Variants in ABL2 observed in about 807,000 individuals in gnomAD.
ABL2 encodes ABL proto-oncogene 2, non-receptor tyrosine kinase, also known as tyrosine-protein kinase ABL2.
A neutral mutation model predicts 107.7 loss-of-function variants in ABL2; 49 were observed. The ratio of observed to expected loss-of-function variants is 0.45; its 90% CI spans 0.36 to 0.58. The LOEUF is 0.58. ABL2 is among the 20% of genes least tolerant of loss of function. The pLI is 0.00. For missense variants in ABL2, 1,245 were observed against 1,457.0 expected, an observed-to-expected ratio of 0.85 and a Z score of 2.37; for synonymous variants, 549 against 548.6, an observed-to-expected ratio of 1.00 and a Z score of -0.01.
chr1:179,133,279 A>G (rs1311657701), intron 2 of ABL2, 33 bp downstream of exon 2: 1 of 1,613,604 alleles, frequency 6.2e-7, no homozygotes, highest in Non-Finnish European at 8.5e-7. Flanking sequence ...CCAATGCCTT[A>G]GTTCAAATCT....
rs534990752 is a variant in ABL2 at position 179,198,693 on chromosome 1, C to CAAAAA, written c.157+30543_157+30547dup. ...GGGCAACAGAGCAAGACTCCATCTC[C>CAAAAA]AAAAAAAAAAAAAAAAAAAAAAACA... On this transcript the variant is annotated intron_variant, in intron 1 of 11. Transcript: ENST00000502732. Among the ~76,000 whole-genome samples, 118 of 34,814 alleles carry CAAAAA rather than the reference C, an allele frequency of 3.4e-3. 2 individuals are homozygous for CAAAAA. Among genetic ancestry groups the CAAAAA allele is most frequent in the South Asian group, 0.01 (5 of 482 alleles). 22.8% of individuals were successfully genotyped at this position (34,814 alleles called of 152,430 possible).
intron 3 of ABL2, among the ~76,000 whole-genome samples, chr1:179,127,751 G>A (rs1194339301): frequency 1.3e-5 from 2 of 151,904 alleles, no homozygotes; most frequent in Non-Finnish European, 2.9e-5. Context: ...CATGGCCATG[G>A]CTGAGCGTGG....
intron 3 of ABL2, among the ~76,000 whole-genome samples, chr1:179,130,840 T>C (rs1178342169): frequency 6.6e-6 from 1 of 152,012 alleles, no homozygotes. Context: ...AGATTATCCT[T>C]GTGTACATGA....
At position 179,103,920 on chromosome 1, in the gene ABL2, C is replaced by G. The variant is rs1653305218; in HGVS notation, c.*3798G>C. ...ATCTATAAACCAAAGGGTTGGGGTA[C>G]TGATAGTTTTCAGATAGCACTGGGT... On this transcript the variant is annotated 3_prime_UTR_variant, in exon 12 of 12. Coordinates refer to ENST00000502732, the MANE Select transcript of ABL2 (RefSeq NM_007314.4). The G allele has an allele frequency of 8.6e-6, 2 of 232,842 alleles. No individual in the cohort carries two copies. Among genetic ancestry groups the G allele is most frequent in the African/African-American group, 4.4e-5 (2 of 45,290 alleles). 14.4% of individuals were successfully genotyped at this position (232,842 alleles called of 1,614,324 possible). A position where few individuals can be genotyped will look rare whatever the true frequency, so the allele number is the denominator to read the frequency against.
intron 1 of ABL2, among the ~76,000 whole-genome samples, chr1:179,162,917 G>T (rs1370471242): frequency 6.6e-6 from 1 of 152,120 alleles, no homozygotes; most frequent in Non-Finnish European, 1.5e-5. Flanking sequence ...CTGCAACATT[G>T]TCTTTTTAAT....
chr1:179,224,512 G>A (rs1293129618), intron 1 of ABL2, among the ~76,000 whole-genome samples: 3 of 151,918 alleles, frequency 2.0e-5, no homozygotes, highest in African/African-American at 4.8e-5. Context: ...CAGGTGATCT[G>A]CCCACGTCGG....
intron 3 of ABL2, among the ~76,000 whole-genome samples, chr1:179,129,080 T>C (rs1166015521): frequency 6.6e-6 from 1 of 152,230 alleles, no homozygotes; most frequent in African/African-American, 2.4e-5. Flanking sequence ...TCTTGTCTTT[T>C]AAAATAATAA....
At chr1:179,199,541 A>G (rs943236237) in intron 1 of ABL2, among the ~76,000 whole-genome samples, 10 of 152,248 alleles carry the variant, frequency 6.6e-5, no homozygotes, top group Middle Eastern at 3.4e-3. Flanking sequence ...CATGTACTCT[A>G]ACATTTTGAG....
chr1:179,171,354 G>T (rs906041921), intron 1 of ABL2, among the ~76,000 whole-genome samples: 11 of 152,174 alleles, frequency 7.2e-5, no homozygotes, highest in African/African-American at 2.7e-4. Context: ...CTTTCAAGGA[G>T]CTTAATATCT....
intron 1 of ABL2, among the ~76,000 whole-genome samples, chr1:179,192,784 TAA>T (rs1270902933): frequency 6.6e-6 from 1 of 152,222 alleles, no homozygotes; most frequent in African/African-American, 2.4e-5. Context: ...TCTGAAACAT[TAA>T]GTCTGATAAC....
intron 1 of ABL2, among the ~76,000 whole-genome samples, chr1:179,135,541 C>A (rs1312094990): frequency 6.6e-6 from 1 of 151,172 alleles, no homozygotes; most frequent in African/African-American, 2.4e-5. Context: ...CCAGCAGCCA[C>A]CCCGTCTGGG....
Position 179,109,434 on chromosome 1 carries a change from G to A in ABL2, c.1833C>T (p.Ile611=). Residue 611 remains isoleucine (I), a synonymous_variant, in exon 12 of 12, where the codon ATC becomes ATT. Transcript: ENST00000502732. Reference sequence around the variant, plus strand: ...ATCCACTAGAGGCCTGTGCACCTCTGATGAACCCTGATGAGAAATGGCCGA... The same window carrying A: ...ATCCACTAGAGGCCTGTGCACCTCTAATGAACCCTGATGAGAAATGGCCGA... ...NSASSLAPGF[I]RGAQASSGSP... The A allele has an allele frequency of 6.2e-7, 1 of 1,602,328 alleles. No individual in the cohort carries two copies. The highest frequency in any genetic ancestry group is 8.5e-7 in the Non-Finnish European group (1 of 1,175,848).
chr1:179,184,493 C>A (rs1053198102), intron 1 of ABL2: 2 of 781,986 alleles, frequency 2.6e-6, no homozygotes, highest in Admixed American at 2.2e-5. Flanking sequence ...TAGGAAAGTT[C>A]ATCAAAGATG....
chr1:179,204,377 A>AACACAG (rs1661838062), intron 1 of ABL2, among the ~76,000 whole-genome samples: 1 of 152,154 alleles, frequency 6.6e-6, no homozygotes, highest in Non-Finnish European at 1.5e-5. Context: ...ATATTCAAAT[A>AACACAG]ACACAGACAT....
rs555440020 is a variant in ABL2, at chr1:179,184,390, C to T, written c.157+44851G>A. On this transcript the variant is annotated intron_variant, in intron 1 of 11. Transcript: ENST00000502732. ...GATGCGATGAAACATTCAAGTCAAA[C>T]ACAGAATAAAGCCAGCAGGAAGAGG... is the stretch of plus-strand genomic sequence containing the variant. The T allele has an allele frequency of 5.6e-5, 50 of 897,870 alleles. No homozygotes were observed. The East Asian group carries it at 1.3e-3, about 24-fold the overall frequency. The allele number at this position is 897,870 out of a possible 1,614,324, so 55.6% of individuals were successfully genotyped here. A position where few individuals can be genotyped will look rare whatever the true frequency, so the allele number is the denominator to read the frequency against.
intron 1 of ABL2, among the ~76,000 whole-genome samples, chr1:179,161,572 G>A (rs1369356794): frequency 2.0e-5 from 3 of 152,244 alleles, no homozygotes; most frequent in Admixed American, 6.5e-5. Flanking sequence ...TCAGCTAGGC[G>A]TGGTGGCGCG....
intron 1 of ABL2, among the ~76,000 whole-genome samples, chr1:179,227,126 C>T (rs1355835124): frequency 6.6e-6 from 1 of 152,170 alleles, no homozygotes; most frequent in East Asian, 1.9e-4. Context: ...TTCCATAACC[C>T]AGTCCCATCC....
At chr1:179,223,872 A>G (rs1348449421) in intron 1 of ABL2, among the ~76,000 whole-genome samples, 2 of 151,346 alleles carry the variant, frequency 1.3e-5, no homozygotes, top group East Asian at 3.9e-4. Context: ...TCACACCTGT[A>G]ATCTCAGGAC....
At chr1:179,173,638 C>T (rs924373888) in intron 1 of ABL2, among the ~76,000 whole-genome samples, 5 of 152,024 alleles carry the variant, frequency 3.3e-5, no homozygotes, top group Non-Finnish European at 7.4e-5. Context: ...GTGAGAGCCA[C>T]CATGCCCAGC....
Sources: gnomAD v4.1 joint callset for allele counts (sites outside exome capture counted in the v4.1 genomes callset) on GRCh38, gnomAD v4.1.1 for gene constraint, MANE v1.5 for transcripts, NCBI Gene and HGNC (gene_info 2026-07-23, HGNC 2026-07-21) for gene names.